The following FCN2 variants were observed in gnomAD, a reference collection of about 807,000 sequenced individuals.
FCN2 encodes ficolin-2.
A neutral mutation model predicts 32.5 loss-of-function variants in FCN2; 31 were observed. The ratio of observed to expected loss-of-function variants is 0.96; its 90% CI spans 0.72 to 1.29. FCN2 has a LOEUF of 1.29. Ranked by LOEUF, FCN2 falls within the 50% of genes most tolerant of loss-of-function variation. FCN2 has a pLI of 0.00. For missense variants in FCN2, 412 were observed against 406.5 expected (o/e 1.01, Z -0.12); for synonymous variants, 181 against 164.5 (o/e 1.10, Z -0.77).
the FCN2 span, among the ~76,000 whole-genome samples, chr9:134,867,728 T>G: frequency 1.3e-5 from 2 of 150,498 alleles, 1 homozygote; most frequent in South Asian, 4.2e-4. Context: ...CCTGGCTCTG[T>G]GTCCTTGGAC....
At chr9:134,867,093 G>A in the FCN2 span, among the ~76,000 whole-genome samples, 1 of 128,382 alleles carries the variant, frequency 7.8e-6, no homozygotes, top group African/African-American at 3.1e-5. Context: ...GATTCCTCAG[G>A]GATCTAGAAC....
chr9:134,864,608 T>A, the FCN2 span, among the ~76,000 whole-genome samples: 1 of 152,212 alleles, frequency 6.6e-6, no homozygotes, highest in South Asian at 2.1e-4. Flanking sequence ...TGGGACCTGC[T>A]CTCCTGGCCC....
chr9:134,865,761 A>C, the FCN2 span, among the ~76,000 whole-genome samples: 1 of 152,212 alleles, frequency 6.6e-6, no homozygotes, highest in African/African-American at 2.4e-5. Flanking sequence ...CAAAATGAAA[A>C]ATATTTTTTC....
intron 3 of FCN2, among the ~76,000 whole-genome samples, chr9:134,883,819 G>A (rs556106199): frequency 4.2e-5 from 6 of 141,748 alleles, no homozygotes; most frequent in Middle Eastern, 3.5e-3. Context: ...CTGATTATTC[G>A]GGGAGGGACT....
In FCN2 at chr9:134,884,649, G is replaced by C. The variant is rs944138050; in HGVS notation, c.269-91G>C. 3.9e-6 allele frequency: 5 copies of C among 1,294,676 alleles called. No individual in the cohort carries two copies. In the African/African-American group the frequency reaches 7.3e-5, roughly 19 times the overall value. The allele number at this position is 1,294,676 out of a possible 1,614,324, so 80.2% of individuals were successfully genotyped here. Reference sequence around the variant, plus strand: ...GACCCATACCATCACCTCCTGGGGAGGCCCAGAAAATGGTGTCCGCGGACC... The same window carrying C: ...GACCCATACCATCACCTCCTGGGGACGCCCAGAAAATGGTGTCCGCGGACC... On this transcript the variant is annotated intron_variant, in intron 3 of 7. Transcript: ENST00000291744.
chr9:134,876,652 C>T (rs1399947690), upstream of FCN2, among the ~76,000 whole-genome samples: 2 of 152,196 alleles, frequency 1.3e-5, no homozygotes, highest in Non-Finnish European at 1.5e-5. Context: ...GATCTTGGCT[C>T]ACTGCAACCT....
chr9:134,887,269 T>C lies in FCN2; in HGVS notation c.796T>C (p.Trp266Arg). Residue 266 changes from tryptophan to arginine, a missense_variant, in exon 8 of 8, where the codon TGG becomes CGG. Transcript: ENST00000291744. ...NCAVMFQGAWWYKNCHVSNLN... is the reference protein window; with the variant it reads ...NCAVMFQGAWRYKNCHVSNLN... ...TGCTGTGATGTTTCAGGGAGCTTGG[T>C]GGTACAAAAACTGCCATGTGTCAAA... is the stretch of plus-strand genomic sequence containing the variant. The C allele has an allele frequency of 1.2e-6, 2 of 1,614,120 alleles. No homozygotes were observed. The highest frequency in any genetic ancestry group is 1.7e-6 in the Non-Finnish European group (2 of 1,180,012).
At chr9:134,885,740 C>T (rs370980485) in intron 5 of FCN2, 28 bp from the exon 6 acceptor site, 118 of 1,613,610 alleles carry the variant, frequency 7.3e-5, no homozygotes, top group East Asian at 2.0e-4. Flanking sequence ...CTGGCCCCCC[C>T]GGCTCCTGTC....
the FCN2 span, among the ~76,000 whole-genome samples, chr9:134,871,705 G>C: frequency 6.6e-6 from 1 of 152,172 alleles, no homozygotes; most frequent in Non-Finnish European, 1.5e-5. Flanking sequence ...AGGAGTCCTG[G>C]CTGCCCCTTA....
chr9:134,881,649 G>A (rs187787264), intron 1 of FCN2, among the ~76,000 whole-genome samples: 9 of 152,284 alleles, frequency 5.9e-5, no homozygotes, highest in Non-Finnish European at 1.3e-4. Flanking sequence ...TTTCTGGAAT[G>A]CATGTGAGAC....
upstream of FCN2, among the ~76,000 whole-genome samples, chr9:134,880,107 C>A (rs1249327616): frequency 6.6e-6 from 1 of 152,120 alleles, no homozygotes; most frequent in Non-Finnish European, 1.5e-5. Flanking sequence ...CACCTACTCT[C>A]ATCCTCCCTA....
rs143259246 is a variant in FCN2, at chr9:134,885,617, T to C, written c.430-151T>C. The stretch of plus-strand genomic sequence containing the variant: ...AGCCCCCATTTCCTCCTTCATCCTG[T>C]GGAGTCTGTGAGGAGAACAGGTGGG... On this transcript the variant is annotated intron_variant, in intron 5 of 7. Transcript: ENST00000291744. 1,243 of 1,147,626 alleles carry C rather than the reference T, an allele frequency of 1.1e-3. 11 individuals are homozygous for C. The African/African-American group carries it at 0.017, about 16-fold the overall frequency. 71.1% of individuals were successfully genotyped at this position (1,147,626 alleles called of 1,614,324 possible).
rs942942093 is a variant in FCN2 at position 134,885,094 on chromosome 9, G to T, written c.302-145G>T. The T allele has an allele frequency of 1.3e-5, 16 of 1,208,522 alleles. No individual in the cohort carries two copies. The Admixed American group carries it at 1.6e-4, about 12-fold the overall frequency. The allele number at this position is 1,208,522 out of a possible 1,614,324, so 74.9% of individuals were successfully genotyped here. Reference sequence around the variant, plus strand: ...CCATCACAGCTGCGTGGCCCTGGGGGCCGTGTCCCTGTCCAGGCCTCAGAG... The same window carrying T: ...CCATCACAGCTGCGTGGCCCTGGGGTCCGTGTCCCTGTCCAGGCCTCAGAG... On this transcript the variant is annotated intron_variant, in intron 4 of 7. Transcript: ENST00000291744.
chr9:134,873,353 A>G, the FCN2 span, among the ~76,000 whole-genome samples: 1 of 152,162 alleles, frequency 6.6e-6, no homozygotes, highest in Non-Finnish European at 1.5e-5. Flanking sequence ...TCTGGGGAGA[A>G]TCTGCTTCGT....
chr9:134,873,924 TTTTTGA>T, the FCN2 span, among the ~76,000 whole-genome samples: 1 of 112,426 alleles, frequency 8.9e-6, no homozygotes, highest in African/African-American at 3.3e-5. Context: ...TGTTTTTTGT[TTTTTGA>T]TATAGGATCT....
the FCN2 span, among the ~76,000 whole-genome samples, chr9:134,874,707 T>C: frequency 6.6e-6 from 1 of 152,226 alleles, no homozygotes; most frequent in Non-Finnish European, 1.5e-5. Context: ...TGTTTTTCCA[T>C]ATAAATTTTA....
At chr9:134,871,396 C>T in the FCN2 span, among the ~76,000 whole-genome samples, 4 of 152,200 alleles carry the variant, frequency 2.6e-5, no homozygotes, top group Admixed American at 6.5e-5. Flanking sequence ...CCTGGCATCT[C>T]GCGGGTCCCA....
chr9:134,886,464 T>A lies in FCN2; in HGVS notation c.594T>A (p.Phe198Leu), dbSNP rs745779290. Residue 198 changes from phenylalanine to leucine, a missense_variant, in exon 7 of 8, where the codon TTT (phenylalanine) becomes TTA (leucine). Phe to Leu is a conservative substitution (Grantham distance 22). Transcript: ENST00000291744. ...TSELRVDLVD[F>L]EDNYQFAKYR... is the part of the protein sequence containing the mutation. The stretch of plus-strand genomic sequence containing the variant: ...AGCTCCGTGTAGACCTGGTGGACTT[T>A]GAGGACAACTACCAGTTTGCTAAGT... 1.9e-6 allele frequency: 3 copies of A among 1,612,560 alleles called. No homozygotes were observed. Among genetic ancestry groups the A allele is most frequent in the Non-Finnish European group, 2.5e-6 (3 of 1,179,478 alleles).
chr9:134,880,799 T>C, upstream of FCN2: 10 of 1,597,610 alleles, frequency 6.3e-6, no homozygotes, highest in Non-Finnish European at 8.6e-6. Context: ...GGCAGGCACC[T>C]TTTGAAGCAA....
Sources: allele counts gnomAD v4.1 joint callset (sites outside exome capture counted in the v4.1 genomes callset), GRCh38; gene constraint gnomAD v4.1.1; transcripts MANE v1.5; gene names NCBI Gene and HGNC (gene_info 2026-07-23, HGNC 2026-07-21).